Variants in BACH1 observed in about 807,000 individuals in gnomAD.
BACH1 encodes BTB domain and CNC homolog 1.
A neutral mutation model predicts 52.9 loss-of-function variants in BACH1; 35 were observed. The ratio of observed to expected loss-of-function variants is 0.66; its 90% CI spans 0.51 to 0.88. BACH1 has a LOEUF of 0.88. BACH1 is among the 40% of genes least tolerant of loss of function. BACH1 has a pLI of 0.00. For synonymous variants in BACH1, 321 were observed against 319.6 expected (o/e 1.00, Z -0.05); for missense variants, 808 against 872.6 (o/e 0.93, Z 0.93).
intron 1 of BACH1, among the ~76,000 whole-genome samples, chr21:29,308,480 T>C (rs540742172): frequency 1.4e-4 from 21 of 152,322 alleles, no homozygotes; most frequent in Non-Finnish European, 1.9e-4. Flanking sequence ...TTAACATTCT[T>C]TTTTATACTC....
chr21:29,357,686 G>C (rs2089243305), intron 2 of BACH1, among the ~76,000 whole-genome samples: 1 of 152,164 alleles, frequency 6.6e-6, no homozygotes, highest in Admixed American at 6.5e-5. Context: ...CCTTACTTAG[G>C]TATGCCACTG....
chr21:29,333,672 A>G (rs1443202383), intron 4 of BACH1, among the ~76,000 whole-genome samples: 1 of 152,170 alleles, frequency 6.6e-6, no homozygotes, highest in Non-Finnish European at 1.5e-5. Flanking sequence ...AACTTTTTGC[A>G]GTTCGTCCTG....
downstream of BACH1, among the ~76,000 whole-genome samples, chr21:29,346,595 C>T (rs962919938): frequency 6.6e-6 from 1 of 152,090 alleles, no homozygotes; most frequent in Non-Finnish European, 1.5e-5. Flanking sequence ...CTTGGCAGTT[C>T]CCAGAGACAC....
intron 2 of BACH1, among the ~76,000 whole-genome samples, chr21:29,358,810 GAAAGAAGAAAGA>G (rs2089253768): frequency 1.1e-5 from 1 of 88,688 alleles, no homozygotes; most frequent in African/African-American, 2.9e-5. Flanking sequence ...AAGAAAGAAA[GAAAGAAGAAAGA>G]AAGAAATGTA....
At chr21:29,357,330 G>T (rs867597443) in intron 2 of BACH1, among the ~76,000 whole-genome samples, 1 of 152,170 alleles carries the variant, frequency 6.6e-6, no homozygotes, top group East Asian at 1.9e-4. Flanking sequence ...ATTAGCTACG[G>T]GGACTTCTAA....
chr21:29,358,028 C>T lies in BACH1; in HGVS notation c.472+28335C>T, dbSNP rs546298127. 1.8e-4 allele frequency among the ~76,000 whole-genome samples: 28 copies of T among 152,322 alleles called. No homozygotes were observed. In the East Asian group the frequency reaches 5.2e-3, roughly 28 times the overall value. ...GTGGTCTGATGTCCACCCCTCACTT[C>T]TTCTGCCCTTTCCTTATACTTCCCT... On this transcript the variant is annotated intron_variant, in intron 2 of 4. Coordinates refer to the BACH1 transcript ENST00000422809.
At chr21:29,299,258 G>A (rs2123393250) in intron 1 of BACH1, among the ~76,000 whole-genome samples, 1 of 151,874 alleles carries the variant, frequency 6.6e-6, no homozygotes, top group South Asian at 2.1e-4. Context: ...GGCGGGGGCT[G>A]GGGGCCGCGG....
chr21:29,349,133 A>G (rs1192724745), downstream of BACH1, among the ~76,000 whole-genome samples: 1 of 151,946 alleles, frequency 6.6e-6, no homozygotes, highest in Non-Finnish European at 1.5e-5. Context: ...AGATTTAAGC[A>G]GTCCAGAATC....
At chr21:29,356,874 C>T (rs2089238045) in intron 2 of BACH1, among the ~76,000 whole-genome samples, 1 of 151,900 alleles carries the variant, frequency 6.6e-6, no homozygotes, top group African/African-American at 2.4e-5. Flanking sequence ...CTCTCTTTGA[C>T]TTCTTCTTTG....
rs532075402 is a variant in BACH1 at position 29,321,645 on chromosome 21, C to T, written c.234+131C>T. ...GCATTTCCCAGGTTCTGTGCAACCCCTTTTTTTTTTTTTTTTAGTTTTTTT... is the reference window on the plus strand; with the variant it reads ...GCATTTCCCAGGTTCTGTGCAACCCTTTTTTTTTTTTTTTTTAGTTTTTTT... On this transcript the variant is annotated intron_variant, in intron 2 of 4. Coordinates refer to ENST00000286800, the MANE Select transcript of BACH1 (RefSeq NM_001186.4). 1.1e-3 allele frequency: 542 copies of T among 505,334 alleles called. 1 individual carries two copies. The highest frequency in any genetic ancestry group is 3.6e-3 in the South Asian group (79 of 22,144). The allele number at this position is 505,334 out of a possible 1,614,324, so 31.3% of individuals were successfully genotyped here.
intron 4 of BACH1, among the ~76,000 whole-genome samples, chr21:29,337,697 C>T (rs916863846): frequency 1.3e-5 from 2 of 151,978 alleles, no homozygotes; most frequent in Admixed American, 6.6e-5. Flanking sequence ...CGGGGCCTGT[C>T]GTCGGGTGGG....
chr21:29,319,569 G>A (rs2088825427), intron 1 of BACH1, among the ~76,000 whole-genome samples: 1 of 151,562 alleles, frequency 6.6e-6, no homozygotes, highest in Non-Finnish European at 1.5e-5. Flanking sequence ...GCCTGCGACT[G>A]CACATTGTAA....
chr21:29,300,526 G>T (rs568626842), intron 1 of BACH1, among the ~76,000 whole-genome samples: 3 of 152,188 alleles, frequency 2.0e-5, no homozygotes, highest in Non-Finnish European at 4.4e-5. Flanking sequence ...ACTGAGGCGG[G>T]TTTAAAGACG....
chr21:29,316,269 A>G (rs2088785356), intron 1 of BACH1, among the ~76,000 whole-genome samples: 1 of 152,180 alleles, frequency 6.6e-6, no homozygotes, highest in Non-Finnish European at 1.5e-5. Flanking sequence ...GAAAGCAAAA[A>G]TGTCAAGTAG....
At chr21:29,338,182 C>A (rs549655696) in intron 4 of BACH1, among the ~76,000 whole-genome samples, 7 of 152,250 alleles carry the variant, frequency 4.6e-5, no homozygotes, top group African/African-American at 1.7e-4. Context: ...TAAGTGAGGG[C>A]ACACTGTATA....
chr21:29,306,913 A>T (rs2088664351), intron 1 of BACH1, among the ~76,000 whole-genome samples: 1 of 151,026 alleles, frequency 6.6e-6, no homozygotes, highest in Non-Finnish European at 1.5e-5. Flanking sequence ...AGAAGAAATA[A>T]TTTTTTTTTT....
At chr21:29,312,229 T>C (rs1371044812) in intron 1 of BACH1, among the ~76,000 whole-genome samples, 1 of 152,230 alleles carries the variant, frequency 6.6e-6, no homozygotes, top group Non-Finnish European at 1.5e-5. Context: ...ATTTTCATTC[T>C]TTGCTTTTTT....
At chr21:29,313,740 A>G (rs996616248) in intron 1 of BACH1, among the ~76,000 whole-genome samples, 1 of 152,218 alleles carries the variant, frequency 6.6e-6, no homozygotes, top group Non-Finnish European at 1.5e-5. Flanking sequence ...TTCTATTTGT[A>G]TAAAAAGAAA....
chr21:29,356,076 A>G (rs1298034678), intron 2 of BACH1, among the ~76,000 whole-genome samples: 1 of 152,202 alleles, frequency 6.6e-6, no homozygotes, highest in Non-Finnish European at 1.5e-5. Context: ...TATCTGAGAA[A>G]TCCTGTGAGA....
Sources: gnomAD v4.1 joint callset for allele counts (sites outside exome capture counted in the v4.1 genomes callset) on GRCh38, gnomAD v4.1.1 for gene constraint, MANE v1.5 for transcripts, NCBI Gene and HGNC (gene_info 2026-07-23, HGNC 2026-07-21) for gene names.